CCDC47: variants seen among roughly 807,000 people sequenced by gnomAD.
The protein encoded by CCDC47 is coiled-coil domain containing 47, also known as PAT complex subunit CCDC47.
Under a neutral mutation model 60.5 loss-of-function variants are expected in CCDC47, and 41 were observed. The observed-to-expected ratio is 0.68, with a 90% CI of 0.53 to 0.88. CCDC47 has a LOEUF of 0.88. Ranked by LOEUF, CCDC47 falls within the 40% of genes least tolerant of loss-of-function variation. The pLI, the probability that CCDC47 is intolerant of heterozygous loss-of-function variation, is 0.00. For synonymous variants in CCDC47, 195 were observed against 190.7 expected (o/e 1.02, Z -0.18); for missense variants, 513 against 580.9 (o/e 0.88, Z 1.20).
At chr17:63,749,899 G>C (rs528633954) in intron 12 of CCDC47, among the ~76,000 whole-genome samples, 13 of 152,196 alleles carry the variant, frequency 8.5e-5, no homozygotes, top group African/African-American at 2.6e-4. Flanking sequence ...AAGCTGCAGC[G>C]AGCTACGATT....
intron 6 of CCDC47, among the ~76,000 whole-genome samples, chr17:63,758,732 T>C (rs2039226704): frequency 6.6e-6 from 1 of 152,096 alleles, no homozygotes; most frequent in Non-Finnish European, 1.5e-5. Flanking sequence ...TAATTACATC[T>C]TTAAATGCTT....
At chr17:63,763,902 T>G in intron 4 of CCDC47, 114 bp downstream of exon 4, 2 of 600,154 alleles carry the variant, frequency 3.3e-6, no homozygotes, top group Non-Finnish European at 5.1e-6. Context: ...GAAAAAACAA[T>G]GCACCCTCTT....
At chr17:63,761,467 G>A (rs2039260003) in intron 4 of CCDC47, 116 bp from the exon 5 acceptor site, 1 of 1,051,664 alleles carries the variant, frequency 9.5e-7, no homozygotes. Flanking sequence ...GGATCACGAG[G>A]TCAGGAGTTC....
rs372194811 is a variant in CCDC47, at chr17:63,764,050, A to T, written c.513T>A (p.His171Gln). The T allele has an allele frequency of 1.2e-6, 2 of 1,607,148 alleles. No individual in the cohort carries two copies. The highest frequency in any genetic ancestry group is 2.2e-5 in the South Asian group (2 of 89,464). ...SRLAQAWFNTHRELLESNFTL... is the reference protein window; with the variant it reads ...SRLAQAWFNTQRELLESNFTL... ...TAAAGTTGCTCTCCAAAAGCTCCCT[A>T]TGAGTGTTAAACCAGGCCTGTGCAA... The change falls in exon 4 of 13, where the codon CAT (histidine) becomes CAA (glutamine). Residue 171 changes from histidine (H) to glutamine (Q), a missense_variant. Physicochemically the swap from His to Gln is conservative, Grantham distance 24. Transcript: ENST00000225726.
intron 1 of CCDC47, among the ~76,000 whole-genome samples, chr17:63,768,065 T>C (rs2044124): frequency 0.96 from 146,848 of 152,282 alleles, 70,832 homozygotes; most frequent in East Asian, 1. Flanking sequence ...CCCTAAAAAC[T>C]ACCAGCATCT....
At chr17:63,750,869 G>A (rs2039157859) in intron 12 of CCDC47, among the ~76,000 whole-genome samples, 1 of 151,168 alleles carries the variant, frequency 6.6e-6, no homozygotes, top group South Asian at 2.1e-4. Context: ...TTACAGGCGT[G>A]AGCCACCACG....
chr17:63,761,231 C>T lies in CCDC47; in HGVS notation c.668G>A (p.Arg223Lys), dbSNP rs547693516. Residue 223 changes from arginine (R) to lysine (K), a missense_variant and splice_region_variant, in exon 5 of 13, where the codon AGG becomes AAG. By Grantham distance (26) the Arg-to-Lys change is conservative. Transcript: ENST00000225726. ...VCCEGMLIQL[R>K]FLKRQDLLNV... is the part of the protein sequence containing the mutation. ...TCGTACAAGAAGTTTCCTACTTACC[C>T]TCAGCTGGATAAGCATGCCCTCACA... 1 of 1,614,110 alleles carries T rather than the reference C, an allele frequency of 6.2e-7. No homozygotes were observed. The highest frequency in any genetic ancestry group is 1.1e-5 in the South Asian group (1 of 91,086).
At chr17:63,764,677 T>C in intron 3 of CCDC47, 63 bp downstream of exon 3, 1 of 1,411,226 alleles carries the variant, frequency 7.1e-7, no homozygotes, top group Non-Finnish European at 9.9e-7. Flanking sequence ...TTAATTTTAT[T>C]TCTGGGATTG....
Position 63,751,999 on chromosome 17 carries a change from T to G in CCDC47, c.1312A>C (p.Arg438=), listed in dbSNP as rs747591843. 6.2e-7 allele frequency: 1 copy of G among 1,613,640 alleles called. No homozygotes were observed. Among genetic ancestry groups the G allele is most frequent in the Non-Finnish European group, 8.5e-7 (1 of 1,179,992 alleles). Residue 438 remains arginine, a synonymous_variant, in exon 12 of 13, where the codon AGA becomes CGA. Transcript: ENST00000225726. ...TTCATGATTCGCTCCTTCTCTGCTC[T>G]TTTTTTCTCCTCCCGCCGAGACTGT... ...AAQSRREEKK[R]AEKERIMNEE...
chr17:63,756,359 A>G lies in CCDC47; in HGVS notation c.838-9T>C. On this transcript the variant is annotated splice_polypyrimidine_tract_variant and intron_variant, in intron 7 of 12. Coordinates refer to ENST00000225726, the MANE Select transcript of CCDC47 (RefSeq NM_020198.3). ...TCACTACAAAACTCACTCTAGAGGA[A>G]GAAGTAATTGAAAGTAAGATATGAC... 6.2e-7 allele frequency: 1 copy of G among 1,608,894 alleles called. No homozygotes were observed. Among genetic ancestry groups the G allele is most frequent in the Non-Finnish European group, 8.5e-7 (1 of 1,175,202 alleles).
chr17:63,762,873 T>C (rs1370969590), intron 4 of CCDC47, among the ~76,000 whole-genome samples: 1 of 152,232 alleles, frequency 6.6e-6, no homozygotes, highest in Admixed American at 6.5e-5. Flanking sequence ...CAGAAGCTGT[T>C]TAGCAATTTT....
At chr17:63,754,389 G>T in intron 9 of CCDC47, 44 bp downstream of exon 9, 1 of 1,182,284 alleles carries the variant, frequency 8.5e-7, no homozygotes, top group Non-Finnish European at 1.3e-6. Flanking sequence ...AACACAGAAA[G>T]CTAGTGAGGA....
At position 63,766,182 on chromosome 17, in the gene CCDC47, T is replaced by C. The variant is rs756325084; in HGVS notation, c.-7A>G. On this transcript the variant is annotated 5_prime_UTR_variant, in exon 2 of 13. Coordinates refer to ENST00000225726, the MANE Select transcript of CCDC47 (RefSeq NM_020198.3). ...AAGTGTGGAAGGCTTTCATTGCACC[T>C]TGAGAAAAAAAGCTTAAAAAAAAAG... The C allele has an allele frequency of 8.2e-5, 131 of 1,592,384 alleles. No individual in the cohort carries two copies. The highest frequency in any genetic ancestry group is 1.1e-4 in the Non-Finnish European group (124 of 1,173,122).
At chr17:63,753,051 G>T (rs2039179421) in intron 9 of CCDC47, 3 of 505,260 alleles carry the variant, frequency 5.9e-6, no homozygotes, top group Admixed American at 6.4e-5. Flanking sequence ...TCCAGGCAAG[G>T]GTATATTCCA....
chr17:63,754,808 G>A (rs946357698), intron 8 of CCDC47, among the ~76,000 whole-genome samples: 13 of 151,664 alleles, frequency 8.6e-5, no homozygotes, highest in East Asian at 5.8e-4. Flanking sequence ...GTTTGAACCC[G>A]GGAGGTGGAG....
intron 9 of CCDC47, among the ~76,000 whole-genome samples, 155 bp downstream of exon 9, chr17:63,754,278 A>C (rs1362355915): frequency 6.6e-6 from 1 of 152,222 alleles, no homozygotes; most frequent in Admixed American, 6.5e-5. Flanking sequence ...ATGACCTCTT[A>C]TGATGCATGC....
Position 63,765,197 on chromosome 17 carries a change from C to T in CCDC47, c.265-350G>A, listed in dbSNP as rs981160814. ...ATTAGCTTGATTGTGGTAAGCACTT[C>T]ATATTGTATGTAGAGGTATACCAAA... On this transcript the variant is annotated intron_variant, in intron 2 of 12. Coordinates refer to ENST00000225726, the MANE Select transcript of CCDC47 (RefSeq NM_020198.3). 4.6e-5 allele frequency: 7 copies of T among 153,650 alleles called. No individual in the cohort carries two copies. The Admixed American group carries it at 4.6e-4, about 10-fold the overall frequency. 9.5% of individuals were successfully genotyped at this position (153,650 alleles called of 1,614,324 possible). A position where few individuals can be genotyped will look rare whatever the true frequency, so the allele number is the denominator to read the frequency against.
At chr17:63,771,037 G>GAAAGAAAGAAAGAAAGAAAGA (rs1568253168) in intron 1 of CCDC47, among the ~76,000 whole-genome samples, 81 of 54,668 alleles carry the variant, frequency 1.5e-3, no homozygotes, top group African/African-American at 4.4e-3. Context: ...AGGAAGGAAG[G>GAAAGAAAGAAAGAAAGAAAGA]AAGGAAGGAA....
chr17:63,753,289 A>G, intron 9 of CCDC47: 1 of 781,216 alleles, frequency 1.3e-6, no homozygotes, highest in South Asian at 5.9e-5. Flanking sequence ...TTCCTTTGTA[A>G]TCTCTGCCTA....
Sources: gnomAD v4.1 joint callset for allele counts (sites outside exome capture counted in the v4.1 genomes callset) on GRCh38, gnomAD v4.1.1 for gene constraint, MANE v1.5 for transcripts, NCBI Gene and HGNC (gene_info 2026-07-23, HGNC 2026-07-21) for gene names.